The following NLK variants were observed in gnomAD, a reference collection of about 807,000 sequenced individuals.
NLK encodes the protein serine/threonine-protein kinase NLK.
A neutral mutation model predicts 59.0 loss-of-function variants in NLK; 11 were observed. The observed-to-expected ratio is 0.19, with a 90% CI of 0.12 to 0.31. The LOEUF is 0.31. NLK is among the 10% of genes least tolerant of loss of function. The pLI, the probability that NLK is intolerant of heterozygous loss-of-function variation, is 1.00. For synonymous variants in NLK, 235 were observed against 235.9 expected (o/e 1.00, Z 0.03); for missense variants, 410 against 661.1 (o/e 0.62, Z 4.16).
chr17:28,150,735 A>G (rs1176504405), intron 3 of NLK, among the ~76,000 whole-genome samples: 3 of 152,184 alleles, frequency 2.0e-5, no homozygotes, highest in Non-Finnish European at 2.9e-5. Context: ...GAGCTACTTA[A>G]CTAATTGCTG....
At chr17:28,134,164 A>G (rs1906636770) in intron 3 of NLK, among the ~76,000 whole-genome samples, 1 of 152,120 alleles carries the variant, frequency 6.6e-6, no homozygotes, top group African/African-American at 2.4e-5. Flanking sequence ...AGGCTCAGGC[A>G]GGGTGGGCAG....
chr17:28,074,621 A>AT (rs774642493), intron 1 of NLK, among the ~76,000 whole-genome samples: 2 of 151,946 alleles, frequency 1.3e-5, no homozygotes, highest in South Asian at 2.1e-4. Flanking sequence ...GTTTTTTATT[A>AT]TTTTTTTACG....
intron 4 of NLK, among the ~76,000 whole-genome samples, chr17:28,162,390 T>G (rs563548951): frequency 6.6e-6 from 1 of 152,124 alleles, no homozygotes; most frequent in East Asian, 1.9e-4. Context: ...CCCAGCGCTT[T>G]GGGATGCTGA....
chr17:28,111,896 G>GGTGT (rs747211468), intron 1 of NLK, among the ~76,000 whole-genome samples: 3,794 of 67,430 alleles, frequency 0.056, 314 homozygotes, highest in East Asian at 0.086. Context: ...GTGTGTGTGT[G>GGTGT]GTGTGTGTGT....
At chr17:28,083,463 T>C (rs975318610) in intron 1 of NLK, among the ~76,000 whole-genome samples, 9 of 152,196 alleles carry the variant, frequency 5.9e-5, no homozygotes, top group African/African-American at 2.2e-4. Flanking sequence ...ATTACATAGA[T>C]TTAAAATATA....
chr17:28,153,249 G>A (rs541037141), intron 3 of NLK, among the ~76,000 whole-genome samples: 6 of 150,602 alleles, frequency 4.0e-5, no homozygotes, highest in African/African-American at 1.2e-4. Context: ...ACTCCAGGCT[G>A]TGCAACAAGA....
intron 1 of NLK, among the ~76,000 whole-genome samples, chr17:28,121,495 C>CTTTTTTTTTTTTTTTTTTTTTTTTTTT (rs58647578): frequency 1.4e-5 from 1 of 72,290 alleles, no homozygotes; most frequent in Non-Finnish European, 2.3e-5. Flanking sequence ...TCTTTCTTTT[C>CTTTTTTTTTTTTTTTTTTTTTTTTTTT]TTTTTTTTTT....
At chr17:28,103,547 C>T (rs966843706) in intron 1 of NLK, among the ~76,000 whole-genome samples, 2 of 152,136 alleles carry the variant, frequency 1.3e-5, no homozygotes, top group East Asian at 1.9e-4. Flanking sequence ...TGTGTATTTA[C>T]AAGTGAGATA....
At chr17:28,058,379 C>T (rs1378802806) in intron 1 of NLK, among the ~76,000 whole-genome samples, 2 of 152,124 alleles carry the variant, frequency 1.3e-5, no homozygotes, top group Non-Finnish European at 2.9e-5. Flanking sequence ...AGTTTTTGTA[C>T]CCTGATTTTC....
At chr17:28,125,930 T>C (rs963514930) in intron 2 of NLK, among the ~76,000 whole-genome samples, 1 of 152,204 alleles carries the variant, frequency 6.6e-6, no homozygotes, top group Non-Finnish European at 1.5e-5. Context: ...TTAACCTTAC[T>C]TTGTAGAGGA....
At chr17:28,188,801 C>CATAAATAAATA in intron 8 of NLK, among the ~76,000 whole-genome samples, 1 of 152,176 alleles carries the variant, frequency 6.6e-6, no homozygotes, top group Non-Finnish European at 1.5e-5. Context: ...ATAATTAAAT[C>CATAAATAAATA]AGTGTATTTA....
chr17:28,190,760 T>C (rs1446972785), intron 8 of NLK, among the ~76,000 whole-genome samples: 8 of 152,142 alleles, frequency 5.3e-5, no homozygotes. Context: ...TCTATTTCAA[T>C]GTAGTAACTT....
intron 1 of NLK, chr17:28,062,163 G>C (rs545034534): frequency 6.6e-6 from 1 of 152,124 alleles, no homozygotes; most frequent in South Asian, 2.1e-4. Context: ...CAGAAAGAGA[G>C]AGCGAGAGTT....
chr17:28,121,925 C>T (rs961038985), intron 1 of NLK, among the ~76,000 whole-genome samples: 4 of 150,362 alleles, frequency 2.7e-5, no homozygotes, highest in Non-Finnish European at 5.9e-5. Flanking sequence ...TGTTGGAAGG[C>T]AAAAAGAGAA....
intron 1 of NLK, among the ~76,000 whole-genome samples, chr17:28,109,728 C>T (rs147834031): frequency 7.9e-5 from 12 of 152,312 alleles, no homozygotes; most frequent in Admixed American, 7.8e-4. Context: ...TATGCATTCA[C>T]TAGGTAATGG....
chr17:28,043,222 G>A lies in NLK; in HGVS notation c.349G>A (p.Ala117Thr). The A allele has an allele frequency of 6.2e-7, 1 of 1,613,918 alleles. No individual in the cohort carries two copies. Among genetic ancestry groups the A allele is most frequent in the South Asian group, 1.1e-5 (1 of 91,066 alleles). The change falls in exon 1 of 11, where the codon GCA becomes ACA. Residue 117 changes from alanine (A) to threonine (T), a missense_variant. Ala to Thr is a moderately conservative substitution (Grantham distance 58). Transcript: ENST00000407008. ...AGCCCCAGCTCAGGTACAGGCTGCC[G>A]CAGCTGCTACAGTTAAGGCGCACCA... ...AAAPAQVQAA[A>T]AATVKAHHHQ...
chr17:28,072,623 T>C lies in NLK; in HGVS notation c.458+29292T>C, dbSNP rs183639975. On this transcript the variant is annotated intron_variant, in intron 1 of 10. Transcript: ENST00000407008. Reference sequence around the variant, plus strand: ...TATTTATATATTTCTTATGTTCTGCTTTTCATATTTTTCTCTTTATTTGCC... The same window carrying C: ...TATTTATATATTTCTTATGTTCTGCCTTTCATATTTTTCTCTTTATTTGCC... 5.9e-5 allele frequency among the ~76,000 whole-genome samples: 9 copies of C among 152,254 alleles called. No individual in the cohort carries two copies. The East Asian group carries it at 1.3e-3, about 23-fold the overall frequency.
chr17:28,187,234 T>A (rs560066765), intron 8 of NLK, among the ~76,000 whole-genome samples: 1 of 152,330 alleles, frequency 6.6e-6, no homozygotes, highest in African/African-American at 2.4e-5. Context: ...CTACCAGGTG[T>A]GCATACACTG....
intron 3 of NLK, among the ~76,000 whole-genome samples, chr17:28,153,994 A>T (rs577431074): frequency 6.6e-6 from 1 of 152,158 alleles, no homozygotes; most frequent in East Asian, 1.9e-4. Context: ...ATGGTCACAC[A>T]TATGTGTGGC....
Sources: allele counts gnomAD v4.1 joint callset (sites outside exome capture counted in the v4.1 genomes callset), GRCh38; gene constraint gnomAD v4.1.1; transcripts MANE v1.5; gene names NCBI Gene and HGNC (gene_info 2026-07-23, HGNC 2026-07-21).